The following SAXO1 variants were observed in gnomAD, a reference collection of about 807,000 sequenced individuals.
SAXO1 encodes the protein stabilizer of axonemal microtubules 1.
Under a neutral mutation model 17.5 loss-of-function variants are expected in SAXO1, and 21 were observed. That is an observed-to-expected ratio of 1.20 (90% CI 0.85 to 1.72). The LOEUF (loss-of-function observed/expected upper bound fraction) is 1.72. Ranked by LOEUF, SAXO1 falls within the 40% of genes most tolerant of loss-of-function variation. The pLI is 0.00. For missense variants in SAXO1, 843 were observed against 596.0 expected, an observed-to-expected ratio of 1.41 and a Z score of -4.32; for synonymous variants, 274 against 216.5, an observed-to-expected ratio of 1.27 and a Z score of -2.33.
chr9:18,981,833 G>A (rs530691471), intron 1 of SAXO1, among the ~76,000 whole-genome samples: 1 of 152,180 alleles, frequency 6.6e-6, no homozygotes, highest in Non-Finnish European at 1.5e-5. Flanking sequence ...AGGGCCCACC[G>A]TAAGTGCCAG....
At chr9:18,942,104 C>G (rs1450636041) in intron 2 of SAXO1, among the ~76,000 whole-genome samples, 1 of 124,112 alleles carries the variant, frequency 8.1e-6, no homozygotes, top group Non-Finnish European at 1.6e-5. Context: ...TGCCCCTCCA[C>G]CTCATTGGTT....
intron 1 of SAXO1, among the ~76,000 whole-genome samples, chr9:18,979,774 A>C (rs2131816762): frequency 6.6e-6 from 1 of 152,326 alleles, no homozygotes; most frequent in East Asian, 1.9e-4. Context: ...CTAGATGTTT[A>C]AGGCTGCAGT....
At chr9:19,034,576 G>C (rs1835886498), upstream of SAXO1, among the ~76,000 whole-genome samples, 1 of 152,160 alleles carries the variant, frequency 6.6e-6, no homozygotes, top group Non-Finnish European at 1.5e-5. Flanking sequence ...TACAGAGAGA[G>C]AGTTCCAACC....
intron 1 of SAXO1, among the ~76,000 whole-genome samples, chr9:19,029,604 G>C (rs943266526): frequency 2.0e-5 from 3 of 152,176 alleles, no homozygotes; most frequent in Non-Finnish European, 4.4e-5. Flanking sequence ...GGGTGGGAGA[G>C]ATCAAGACTT....
chr9:18,955,613 A>T (rs1010496670), intron 1 of SAXO1, among the ~76,000 whole-genome samples: 10 of 152,248 alleles, frequency 6.6e-5, no homozygotes, highest in Non-Finnish European at 2.9e-5. Context: ...ACCTGTCTTC[A>T]TATGGCATAA....
At chr9:19,014,397 G>T (rs940402365) in intron 1 of SAXO1, among the ~76,000 whole-genome samples, 27 of 148,026 alleles carry the variant, frequency 1.8e-4, no homozygotes, top group Middle Eastern at 7.1e-3. Flanking sequence ...GGGGGGCAAG[G>T]TTGCAGTTAG....
chr9:18,978,391 G>C (rs925198553), intron 1 of SAXO1, among the ~76,000 whole-genome samples: 2 of 152,138 alleles, frequency 1.3e-5, no homozygotes, highest in African/African-American at 4.8e-5. Flanking sequence ...GTTTGTTCTG[G>C]CCTGAAGAGC....
At chr9:19,019,995 G>T (rs1213105445) in intron 1 of SAXO1, among the ~76,000 whole-genome samples, 1 of 149,800 alleles carries the variant, frequency 6.7e-6, no homozygotes, top group Non-Finnish European at 1.5e-5. Flanking sequence ...ATATAAACTG[G>T]CCATCCTGGT....
intron 1 of SAXO1, among the ~76,000 whole-genome samples, chr9:18,968,515 A>G (rs1832817857): frequency 6.6e-6 from 1 of 152,330 alleles, no homozygotes; most frequent in Non-Finnish European, 1.5e-5. Context: ...AGAAATAGAA[A>G]GTGAAAAAAA....
intron 1 of SAXO1, among the ~76,000 whole-genome samples, chr9:19,019,701 G>C (rs1295811588): frequency 6.6e-6 from 1 of 152,146 alleles, no homozygotes; most frequent in Admixed American, 6.5e-5. Flanking sequence ...CTGCACCCCA[G>C]CCTCGGCGAC....
At chr9:18,941,609 C>T (rs1192917566) in intron 3 of SAXO1, 28 bp downstream of exon 3, 1 of 1,613,132 alleles carries the variant, frequency 6.2e-7, no homozygotes, top group East Asian at 2.2e-5. Context: ...CTGTCTTTCC[C>T]CCAATCTGCC....
intron 1 of SAXO1, among the ~76,000 whole-genome samples, chr9:18,979,466 A>C (rs577834544): frequency 6.6e-6 from 1 of 152,348 alleles, no homozygotes; most frequent in East Asian, 1.9e-4. Flanking sequence ...GTATCTGTGC[A>C]AAGAGAAGGA....
intron 1 of SAXO1, among the ~76,000 whole-genome samples, chr9:19,031,703 C>G (rs1269984506): frequency 6.6e-6 from 1 of 152,170 alleles, no homozygotes; most frequent in African/African-American, 2.4e-5. Context: ...CAGTGAGTCC[C>G]AGTCCTAGCA....
intron 1 of SAXO1, among the ~76,000 whole-genome samples, chr9:18,999,100 T>G (rs2077200669): frequency 6.6e-6 from 1 of 152,256 alleles, no homozygotes; most frequent in East Asian, 1.9e-4. Context: ...AATTCACACA[T>G]AACAATATGA....
intron 3 of SAXO1, among the ~76,000 whole-genome samples, chr9:18,935,781 T>C (rs1831263451): frequency 6.6e-6 from 1 of 152,216 alleles, no homozygotes; most frequent in Non-Finnish European, 1.5e-5. Flanking sequence ...CCTGATTTCT[T>C]GCCATTAAGC....
chr9:18,982,729 T>C (rs1833443093), intron 1 of SAXO1, among the ~76,000 whole-genome samples: 1 of 152,258 alleles, frequency 6.6e-6, no homozygotes, highest in African/African-American at 2.4e-5. Context: ...TGTAGAGATG[T>C]CTGCTTTTGA....
intron 1 of SAXO1, among the ~76,000 whole-genome samples, chr9:19,016,535 G>A (rs1438518834): frequency 1.3e-5 from 2 of 149,898 alleles, no homozygotes; most frequent in African/African-American, 5.1e-5. Context: ...TGCCCCCAAG[G>A]AAACATGTGG....
chr9:18,947,190 A>G (rs1831831539), intron 2 of SAXO1, among the ~76,000 whole-genome samples: 1 of 152,264 alleles, frequency 6.6e-6, no homozygotes, highest in African/African-American at 2.4e-5. Flanking sequence ...GCCCAGTGGT[A>G]CAGCTCTGAG....
chr9:18,950,479 C>T (rs1452959836), intron 2 of SAXO1, among the ~76,000 whole-genome samples: 1 of 152,150 alleles, frequency 6.6e-6, no homozygotes, highest in Non-Finnish European at 1.5e-5. Flanking sequence ...TCTTAACCTC[C>T]AATCCTATAT....
Sources: allele counts gnomAD v4.1 joint callset (sites outside exome capture counted in the v4.1 genomes callset), GRCh38; gene constraint gnomAD v4.1.1; transcripts MANE v1.5; gene names NCBI Gene and HGNC (gene_info 2026-07-23, HGNC 2026-07-21).